EXOSC5: variants seen among roughly 807,000 people sequenced by gnomAD.
EXOSC5 encodes exosome complex component RRP46.
In EXOSC5, 15 loss-of-function variants were observed where a neutral mutation model predicts 23.7. That is an observed-to-expected ratio of 0.63 (90% CI 0.42 to 0.97). The LOEUF is 0.97. Among genes scored for constraint, EXOSC5 ranks in the 50% least tolerant of loss-of-function variants. The probability of loss-of-function intolerance (pLI) is 0.00; values close to 1 mark genes in which losing one functional copy is unlikely to be tolerated. For synonymous variants in EXOSC5, 143 were observed against 140.9 expected (o/e 1.02, Z -0.11); for missense variants, 305 against 316.3 (o/e 0.96, Z 0.27).
intron 2 of EXOSC5, 162 bp from the exon 3 acceptor site, chr19:41,392,124 T>C: frequency 1.9e-6 from 2 of 1,056,556 alleles, no homozygotes; most frequent in Admixed American, 3.5e-5. Context: ...AGGCAAGGCC[T>C]GACTGCCATC....
At chr19:41,395,973 G>A (rs190262045) in intron 1 of EXOSC5, among the ~76,000 whole-genome samples, 3 of 152,182 alleles carry the variant, frequency 2.0e-5, no homozygotes, top group East Asian at 3.9e-4. Context: ...AGTTTTGTCC[G>A]TATTACTTTC....
chr19:41,387,632 G>A (rs772272912), intron 4 of EXOSC5, 29 bp from the exon 5 acceptor site: 1 of 1,470,762 alleles, frequency 6.8e-7, no homozygotes, highest in South Asian at 1.3e-5. Context: ...AGGCGGTGGG[G>A]GACCTAGGAC....
intron 1 of EXOSC5, 145 bp downstream of exon 1, chr19:41,397,036 G>A: frequency 2.4e-6 from 2 of 848,094 alleles, no homozygotes; most frequent in Admixed American, 2.3e-5. Flanking sequence ...GTATCCCTGC[G>A]TATTTAGTAG....
In EXOSC5 at chr19:41,391,876, T is replaced by C; in HGVS notation, c.349A>G (p.Thr117Ala). 6.4e-7 allele frequency: 1 copy of C among 1,551,964 alleles called. No homozygotes were observed. Among genetic ancestry groups the C allele is most frequent in the Non-Finnish European group, 8.6e-7 (1 of 1,156,622 alleles). Residue 117 changes from threonine to alanine, a missense_variant, in exon 3 of 6, where the codon ACC (threonine) becomes GCC (alanine). Coordinates refer to ENST00000221233, the MANE Select transcript of EXOSC5 (RefSeq NM_020158.4). ...TCGCTGACAACCTGCAGCACCACGG[T>C]GATGGAGGTGCGGGGGTGCAACGTG... ...LGTLHPRTSITVVLQVVSDAG... is the reference protein window; with the variant it reads ...LGTLHPRTSIAVVLQVVSDAG...
chr19:41,391,871 C>G lies in EXOSC5; in HGVS notation c.354G>C (p.Val118=), dbSNP rs1296221062. The change falls in exon 3 of 6, where the codon GTG becomes GTC. Residue 118 remains valine (V), a synonymous_variant. Transcript: ENST00000221233. ...CGGCATCGCTGACAACCTGCAGCAC[C>G]ACGGTGATGGAGGTGCGGGGGTGCA... ...GTLHPRTSIT[V]VLQVVSDAGS... is the part of the protein sequence containing the mutation. The G allele has an allele frequency of 2.0e-5, 31 of 1,546,696 alleles. No homozygotes were observed. Among genetic ancestry groups the G allele is most frequent in the South Asian group, 1.5e-4 (12 of 81,214 alleles).
At position 41,386,678 on chromosome 19, in the gene EXOSC5, G is replaced by C. The variant is rs1309806787; in HGVS notation, c.663C>G (p.Phe221Leu). The C allele has an allele frequency of 1.9e-6, 3 of 1,604,436 alleles. No individual in the cohort carries two copies. Among genetic ancestry groups the C allele is most frequent in the Non-Finnish European group, 2.6e-6 (3 of 1,175,932 alleles). Residue 221 changes from phenylalanine (F) to leucine (L), a missense_variant, in exon 6 of 6, where the codon TTC becomes TTG. By Grantham distance (22) the Phe-to-Leu change is conservative. Transcript: ENST00000221233. Reference protein sequence around the residue: ...AAAQAASQHVFRFYRESLQRR... With the variant: ...AAAQAASQHVLRFYRESLQRR... ...TCTGCAGCGATTCCCGGTAGAAACG[G>C]AAGACGTGTTGCGAAGCGGCCTGGG... is the stretch of plus-strand genomic sequence containing the variant.
chr19:41,391,540 C>G (rs2123223198), intron 3 of EXOSC5: 1 of 325,520 alleles, frequency 3.1e-6, no homozygotes, highest in African/African-American at 2.1e-5. Flanking sequence ...AACATAAGAA[C>G]ACTCATCTGC....
In EXOSC5 at chr19:41,389,805, T is replaced by A. The variant is rs1391488952; in HGVS notation, c.485A>T (p.Asp162Val). The change falls in exon 4 of 6, where the codon GAT becomes GTT. Residue 162 changes from aspartate (D) to valine (V), a missense_variant. Transcript: ENST00000221233. The part of the protein sequence containing the change: ...FCGVACALDS[D>V]GTLVLDPTSK... ...TGTAGGATCCAGCACGAGGGTCCCA[T>A]CAGAGTCCAGGGCGCAGGCGACCCC... is the stretch of plus-strand genomic sequence containing the variant. 1 of 1,614,032 alleles carries A rather than the reference T, an allele frequency of 6.2e-7. No homozygotes were observed.
rs1380037979 is a variant in EXOSC5 at position 41,397,174 on chromosome 19, T to A, written c.148+7A>T. On this transcript the variant is annotated splice_region_variant and intron_variant, in intron 1 of 5. Transcript: ENST00000221233. ...CTCCAAAAGAAAGACCTGGGTGAAG[T>A]TCTTACCTTGCAGGAAGGAAGCAGA... 1 of 1,613,414 alleles carries A rather than the reference T, an allele frequency of 6.2e-7. No homozygotes were observed. Among genetic ancestry groups the A allele is most frequent in the African/African-American group, 1.3e-5 (1 of 74,918 alleles).
At chr19:41,387,437 C>T in intron 5 of EXOSC5, 77 bp downstream of exon 5, 1 of 1,195,286 alleles carries the variant, frequency 8.4e-7, no homozygotes, top group African/African-American at 1.6e-5. Context: ...TCTCAGAATC[C>T]AGGGCAGAGT....
chr19:41,391,995 C>T, intron 2 of EXOSC5, 33 bp from the exon 3 acceptor site: 1 of 1,565,948 alleles, frequency 6.4e-7, no homozygotes, highest in Non-Finnish European at 8.6e-7. Context: ...CAGGGTCTTC[C>T]CCTTCATTTG....
In EXOSC5 at chr19:41,391,920, C is replaced by T; in HGVS notation, c.305G>A (p.Cys102Tyr). 1 of 1,579,000 alleles carries T rather than the reference C, an allele frequency of 6.3e-7. No individual in the cohort carries two copies. ...CAACGTGCCCAGCACCACCGCCTCG[C>T]ACGTGTTCCTGATCAGCCGCTCCCG... ...KSRERLIRNT[C>Y]EAVVLGTLHP... The change falls in exon 3 of 6, where the codon TGC (cysteine) becomes TAC (tyrosine). Residue 102 changes from cysteine (C) to tyrosine (Y), a missense_variant. Transcript: ENST00000221233.
intron 5 of EXOSC5, 77 bp from the exon 6 acceptor site, chr19:41,386,802 G>C: frequency 7.4e-7 from 1 of 1,350,944 alleles, no homozygotes; most frequent in South Asian, 1.3e-5. Flanking sequence ...AGGAGGTTCT[G>C]CTGACCCCAC....
intron 1 of EXOSC5, among the ~76,000 whole-genome samples, chr19:41,393,407 G>A (rs570557675): frequency 6.6e-6 from 1 of 152,110 alleles, no homozygotes; most frequent in African/African-American, 2.4e-5. Context: ...TGGAACTACA[G>A]GCATGTGCCA....
At chr19:41,393,473 C>T (rs1018702500) in intron 1 of EXOSC5, among the ~76,000 whole-genome samples, 1 of 152,154 alleles carries the variant, frequency 6.6e-6, no homozygotes, top group South Asian at 2.1e-4. Context: ...CCATGTTGCT[C>T]AGGCGGGTTT....
At chr19:41,391,074 G>A (rs750803020) in intron 3 of EXOSC5, among the ~76,000 whole-genome samples, 13 of 152,100 alleles carry the variant, frequency 8.5e-5, no homozygotes, top group Non-Finnish European at 1.3e-4. Flanking sequence ...CCGAGTAGAA[G>A]TGATTGCCAG....
At position 41,397,313 on chromosome 19, in the gene EXOSC5, G is replaced by C. The variant is rs139413206; in HGVS notation, c.16C>G (p.His6Asp). 6.8e-6 allele frequency: 11 copies of C among 1,613,546 alleles called. No individual in the cohort carries two copies. The African/African-American group carries it at 1.3e-4, about 20-fold the overall frequency. The change falls in exon 1 of 6, where the codon CAT becomes GAT. Residue 6 changes from histidine to aspartate, a missense_variant. Transcript: ENST00000221233. ...TCAGCACGGATTTTGGCGTCAGTAT[G>C]CGTCTCCTCCTCCATCGCGCCGAGC... MEEET[H>D]TDAKIRAENG...
intron 3 of EXOSC5, among the ~76,000 whole-genome samples, chr19:41,390,112 T>C (rs2039013224): frequency 6.6e-6 from 1 of 152,102 alleles, no homozygotes; most frequent in African/African-American, 2.4e-5. Flanking sequence ...TTTGTATTTT[T>C]AGTAGAGATG....
At chr19:41,395,047 GAA>G (rs59002070) in intron 1 of EXOSC5, among the ~76,000 whole-genome samples, 185 of 136,780 alleles carry the variant, frequency 1.4e-3, no homozygotes, top group African/African-American at 3.9e-3. Flanking sequence ...AAAAAAAAAA[GAA>G]AAAAAAAAAA....
Sources: allele counts gnomAD v4.1 joint callset (sites outside exome capture counted in the v4.1 genomes callset), GRCh38; gene constraint gnomAD v4.1.1; transcripts MANE v1.5; gene names NCBI Gene and HGNC (gene_info 2026-07-23, HGNC 2026-07-21).